RYR2: variants seen among roughly 807,000 people sequenced by gnomAD.
RYR2 encodes the protein cardiac muscle ryanodine receptor-calcium release channel.
RYR2 carries 227 observed loss-of-function variants against 601.1 expected under a neutral mutation model. That is an observed-to-expected ratio of 0.38 (90% CI 0.34 to 0.42). RYR2 has a LOEUF of 0.42. Ranked by LOEUF, RYR2 falls within the 10% of genes least tolerant of loss-of-function variation. RYR2 has a pLI of 1.00. For missense variants in RYR2, 4,646 were observed against 6,156.5 expected (o/e 0.75, Z 8.21); for synonymous variants, 2,223 against 2,175.1 (o/e 1.02, Z -0.61).
chr1:237,636,415 A>G (rs1000186449), intron 44 of RYR2, among the ~76,000 whole-genome samples: 1 of 152,190 alleles, frequency 6.6e-6, no homozygotes, highest in Non-Finnish European at 1.5e-5. Flanking sequence ...AGGATCATGA[A>G]GTCTTGCATC....
intron 17 of RYR2, among the ~76,000 whole-genome samples, chr1:237,489,971 T>C (rs531829442): frequency 2.6e-5 from 4 of 152,298 alleles, no homozygotes; most frequent in African/African-American, 9.6e-5. Context: ...GAAAATGTGG[T>C]ACATATACAC....
rs71561898 is a variant in RYR2 at position 237,731,891 on chromosome 1, T to TACACAC, written c.10936-132_10936-127dup. 0.11 allele frequency among the ~76,000 whole-genome samples: 16,454 copies of TACACAC among 147,248 alleles called. 1,524 individuals are homozygous for TACACAC. The highest frequency in any genetic ancestry group is 0.25 in the African/African-American group (10,066 of 39,986). ...TATAGCATGTATAATGCATATAAAA[T>TACACAC]ACACACACACACACACACACACACA... On this transcript the variant is annotated intron_variant, in intron 77 of 104. Transcript: ENST00000366574.
intron 11 of RYR2, among the ~76,000 whole-genome samples, chr1:237,419,519 A>G (rs570557800): frequency 6.6e-6 from 1 of 152,272 alleles, no homozygotes; most frequent in Non-Finnish European, 1.5e-5. Flanking sequence ...AATATATAGA[A>G]AGGAGATGAT....
chr1:237,401,456 C>T (rs1263709136), intron 10 of RYR2, among the ~76,000 whole-genome samples: 1 of 148,516 alleles, frequency 6.7e-6, no homozygotes, highest in Admixed American at 6.6e-5. Context: ...TAGAATGACT[C>T]ACAGAACACA....
At chr1:237,088,501 A>G (rs1333637197) in intron 1 of RYR2, among the ~76,000 whole-genome samples, 1 of 152,264 alleles carries the variant, frequency 6.6e-6, no homozygotes, top group African/African-American at 2.4e-5. Context: ...GCAATTTATT[A>G]TCTCAAACTC....
chr1:237,736,341 A>T (rs1336167469), intron 79 of RYR2, among the ~76,000 whole-genome samples: 2 of 151,854 alleles, frequency 1.3e-5, no homozygotes, highest in Non-Finnish European at 2.9e-5. Context: ...CACACCTGTA[A>T]TCCCAGCTCC....
chr1:237,641,491 T>G (rs759316522), intron 47 of RYR2, among the ~76,000 whole-genome samples: 2 of 118,608 alleles, frequency 1.7e-5, no homozygotes, highest in East Asian at 4.9e-4. Flanking sequence ...CTTTCTTTCT[T>G]TCTTTCTTTC....
At chr1:237,145,170 G>A (rs1357826245) in intron 1 of RYR2, among the ~76,000 whole-genome samples, 4 of 151,594 alleles carry the variant, frequency 2.6e-5, no homozygotes, top group Non-Finnish European at 5.9e-5. Flanking sequence ...ATATACCTAT[G>A]TAACAAACCT....
intron 3 of RYR2, among the ~76,000 whole-genome samples, chr1:237,337,198 G>A (rs924179162): frequency 4.1e-5 from 6 of 146,246 alleles, no homozygotes; most frequent in Non-Finnish European, 7.4e-5. Flanking sequence ...TTTGCAGTGA[G>A]CCCAGATCGT....
At chr1:237,496,380 C>A (rs1236172587) in intron 19 of RYR2, 131 bp from the exon 20 acceptor site, 1 of 1,275,962 alleles carries the variant, frequency 7.8e-7, no homozygotes, top group Non-Finnish European at 1.1e-6. Flanking sequence ...TGCGCTTCAG[C>A]CTAGGCAACA....
At chr1:237,352,846 G>A in intron 3 of RYR2, 1 of 514,276 alleles carries the variant, frequency 1.9e-6, no homozygotes, top group Non-Finnish European at 3.9e-6. Context: ...TTTAATAAAT[G>A]GTCATTTGGA....
intron 71 of RYR2, among the ~76,000 whole-genome samples, chr1:237,714,990 TCAAAAAAAAAAAAAAA>T (rs1341712893): frequency 2.2e-5 from 2 of 89,382 alleles, no homozygotes; most frequent in Non-Finnish European, 1.9e-5. Context: ...AGACTCCATC[TCAAAAAAAAAAAAAAA>T]AAAAAAAAAA....
Position 237,783,758 on chromosome 1 carries a change from T to G in RYR2, c.12046T>G (p.Phe4016Val). 1 of 1,612,832 alleles carries G rather than the reference T, an allele frequency of 6.2e-7. No homozygotes were observed. The highest frequency in any genetic ancestry group is 8.5e-7 in the Non-Finnish European group (1 of 1,179,342). ...CAACAACGTGGAGATGATTCTCAAA[T>G]TTTTTGACATGTTCTTAAAACTAAA... Reference protein sequence around the residue: ...SSNNVEMILKFFDMFLKLKDL... With the variant: ...SSNNVEMILKVFDMFLKLKDL... The change falls in exon 90 of 105, where the codon TTT (phenylalanine) becomes GTT (valine). Residue 4016 changes from phenylalanine to valine, a missense_variant. Phe to Val is a conservative substitution (Grantham distance 50). Around this residue, in one of 17 missense-constraint regions of RYR2, gnomAD observed 90 missense variants for 213.3 expected, o/e 0.42. Coordinates refer to ENST00000366574, the MANE Select transcript of RYR2 (RefSeq NM_001035.3).
At chr1:237,226,284 G>A (rs1363234657) in intron 1 of RYR2, among the ~76,000 whole-genome samples, 1 of 152,136 alleles carries the variant, frequency 6.6e-6, no homozygotes, top group Non-Finnish European at 1.5e-5. Flanking sequence ...ACTGATTGCT[G>A]GAATTTAAAA....
intron 46 of RYR2, 103 bp downstream of exon 46, chr1:237,639,304 CA>C: frequency 2.7e-6 from 3 of 1,096,394 alleles, no homozygotes; most frequent in Non-Finnish European, 3.8e-6. Flanking sequence ...ACTTGTGGTA[CA>C]GAAGATTTCT....
At chr1:237,255,653 T>C (rs913493781) in intron 1 of RYR2, among the ~76,000 whole-genome samples, 2 of 152,154 alleles carry the variant, frequency 1.3e-5, no homozygotes, top group Non-Finnish European at 2.9e-5. Flanking sequence ...CATTTTGAAA[T>C]CAAATTTCAC....
chr1:237,631,861 C>A (rs1053074972), intron 42 of RYR2, among the ~76,000 whole-genome samples: 28 of 87,998 alleles, frequency 3.2e-4, no homozygotes, highest in Non-Finnish European at 5.5e-4. Context: ...ATCTCCTGAC[C>A]TCGTGATCCG....
intron 11 of RYR2, among the ~76,000 whole-genome samples, chr1:237,420,978 C>G (rs531443934): frequency 6.6e-6 from 1 of 152,304 alleles, no homozygotes; most frequent in East Asian, 1.9e-4. Context: ...GGGTGGCTCA[C>G]GCCTGTAATC....
chr1:237,695,151 G>A (rs1687307651), intron 63 of RYR2, among the ~76,000 whole-genome samples: 1 of 151,938 alleles, frequency 6.6e-6, no homozygotes, highest in African/African-American at 2.4e-5. Context: ...AACAATTTGG[G>A]ATTAATATGC....
Sources: gnomAD v4.1 joint callset for allele counts (sites outside exome capture counted in the v4.1 genomes callset) on GRCh38, gnomAD v4.1.1 for gene constraint, gnomAD v4.1.1 regional missense constraint, MANE v1.5 for transcripts, NCBI Gene and HGNC (gene_info 2026-07-23, HGNC 2026-07-21) for gene names.